The following PRRC2A variants were observed in gnomAD, a reference collection of about 807,000 sequenced individuals.
PRRC2A encodes protein PRRC2A.
In PRRC2A, 59 loss-of-function variants were observed where a neutral mutation model predicts 224.6. The observed-to-expected ratio is 0.26, with a 90% confidence interval of 0.21 to 0.33. The LOEUF is 0.33. Ranked by LOEUF, PRRC2A falls within the 10% of genes least tolerant of loss-of-function variation. PRRC2A has a pLI of 1.00. For missense variants in PRRC2A, 3,095 were observed against 2,880.7 expected (o/e 1.07, Z -1.70); for synonymous variants, 1,194 against 1,109.5 (o/e 1.08, Z -1.51).
At position 31,631,934 on chromosome 6, in the gene PRRC2A, A is replaced by C. The variant is rs1410952482; in HGVS notation, c.3261A>C (p.Thr1087=). The change falls in exon 16 of 31, where the codon ACA becomes ACC. Residue 1087 remains threonine, a synonymous_variant. Coordinates refer to ENST00000376033, the MANE Select transcript of PRRC2A (RefSeq NM_004638.4). The surrounding 1 kb of genome is among the most constrained non-coding windows in gnomAD (Gnocchi z 4.5). ...PAPRGRTASE[T]RSEGSEYEEI... is the part of the protein sequence containing the mutation. Reference sequence around the variant, plus strand: ...CCCGAGGCCGCACTGCCAGCGAGACACGGAGCGAGGGTTCAGAGTATGAGG... The same window carrying C: ...CCCGAGGCCGCACTGCCAGCGAGACCCGGAGCGAGGGTTCAGAGTATGAGG... 1 of 1,612,774 alleles carries C rather than the reference A, an allele frequency of 6.2e-7. No individual in the cohort carries two copies. The highest frequency in any genetic ancestry group is 8.5e-7 in the Non-Finnish European group (1 of 1,179,978).
chr6:31,629,072 T>G, intron 12 of PRRC2A, 72 bp from the exon 13 acceptor site: 1,301 of 1,445,240 alleles, frequency 9.0e-4, no homozygotes, highest in Non-Finnish European at 1.2e-3. Context: ...AGATGAGACG[T>G]GAGATTCCTG....
intron 9 of PRRC2A, 56 bp from the exon 10 acceptor site, chr6:31,626,716 C>T: frequency 6.8e-7 from 1 of 1,465,966 alleles, no homozygotes; most frequent in Non-Finnish European, 9.3e-7. Context: ...TCCAGACTAC[C>T]TCCCAAGATT....
intron 19 of PRRC2A, 35 bp downstream of exon 19, chr6:31,634,400 G>A (rs1195143495): frequency 1.9e-6 from 3 of 1,612,044 alleles, no homozygotes; most frequent in Non-Finnish European, 2.5e-6. Context: ...TATGGTAGAA[G>A]GGTTAAGAAT....
intron 3 of PRRC2A, 31 bp downstream of exon 3, chr6:31,623,940 T>G (rs775082416): frequency 6.2e-7 from 1 of 1,608,260 alleles, no homozygotes; most frequent in Non-Finnish European, 8.5e-7. Context: ...CCTAGAGTGA[T>G]GGGTATTTTA....
rs1561849619 is a variant in PRRC2A, at chr6:31,637,605, CT to C, written c.*20del. The stretch of plus-strand genomic sequence containing the variant: ...CCGCTGAGGGAGTTCCTCTTGCCCC[CT>C]ACCCCCGGGGCTTGTATATAGATTA... On this transcript the variant is annotated 3_prime_UTR_variant, in exon 31 of 31. Transcript: ENST00000376033. The C allele has an allele frequency of 6.6e-7, 1 of 1,509,098 alleles. No homozygotes were observed. Among genetic ancestry groups the C allele is most frequent in the Non-Finnish European group, 8.9e-7 (1 of 1,125,066 alleles). 93.5% of individuals were successfully genotyped at this position (1,509,098 alleles called of 1,614,324 possible).
chr6:31,635,128 C>T lies in PRRC2A; in HGVS notation c.5161-4C>T. On this transcript the variant is annotated splice_polypyrimidine_tract_variant and splice_region_variant and intron_variant, in intron 21 of 30. Coordinates refer to ENST00000376033, the MANE Select transcript of PRRC2A (RefSeq NM_004638.4). ...CAATGCACTTTACTGTGTGCCCAAT[C>T]CAGGAGCTGCCCCGGGAGCAGCCTC... 1.2e-6 allele frequency: 2 copies of T among 1,613,776 alleles called. No homozygotes were observed. Among genetic ancestry groups the T allele is most frequent in the Non-Finnish European group, 1.7e-6 (2 of 1,179,796 alleles).
At position 31,629,320 on chromosome 6, in the gene PRRC2A, C is replaced by T; in HGVS notation, c.1942C>T (p.Gln648Ter). Residue 648 changes from glutamine (Q) to a stop codon, truncating the protein, a stop_gained, in exon 13 of 31, where the codon CAG (glutamine) becomes TAG (stop). Transcript: ENST00000376033. LOFTEE classifies it high-confidence loss of function. ...KYQKSLPPRFQRQQQEQLLKQ... is the reference protein window; with the variant it reads ...KYQKSLPPRF Reference sequence around the variant, plus strand: ...TCAGAAGTCGTTGCCTCCTCGTTTCCAGCGGCAGCAGCAGGTGAAATCAAG... The same window carrying T: ...TCAGAAGTCGTTGCCTCCTCGTTTCTAGCGGCAGCAGCAGGTGAAATCAAG... 1.3e-6 allele frequency: 2 copies of T among 1,564,368 alleles called. No homozygotes were observed. Among genetic ancestry groups the T allele is most frequent in the Non-Finnish European group, 1.7e-6 (2 of 1,155,936 alleles).
rs1278948849 is a variant in PRRC2A at position 31,635,691 on chromosome 6, C to T, written c.5483C>T (p.Ser1828Leu). The change falls in exon 24 of 31, where the codon TCA (serine) becomes TTA (leucine). Residue 1828 changes from serine to leucine, a missense_variant. Ser to Leu is a moderately radical substitution (Grantham distance 145). Transcript: ENST00000376033. ...CACTGTGTCCCGGAGCCCAGCTCCT[C>T]AGGCCAGCGCCTGTATCCTGAGGTT... ...SGHCVPEPSS[S>L]GQRLYPEVFY... is the part of the protein sequence containing the mutation. 1 of 1,612,584 alleles carries T rather than the reference C, an allele frequency of 6.2e-7. No homozygotes were observed. The highest frequency in any genetic ancestry group is 1.7e-5 in the Admixed American group (1 of 59,978).
rs776193770 is a variant in PRRC2A, at chr6:31,631,940, C to T, written c.3267C>T (p.Ser1089=). 45 of 1,612,742 alleles carry T rather than the reference C, an allele frequency of 2.8e-5. 1 individual carries two copies. The highest frequency in any genetic ancestry group is 3.3e-5 in the South Asian group (3 of 91,068). ...PRGRTASETR[S]EGSEYEEIPK... ...GCCGCACTGCCAGCGAGACACGGAG[C>T]GAGGGTTCAGAGTATGAGGAAATCC... is the stretch of plus-strand genomic sequence containing the variant. The change falls in exon 16 of 31, where the codon AGC becomes AGT. Residue 1089 remains serine, a synonymous_variant. Transcript: ENST00000376033. This position sits in a 1 kb window ranked among gnomAD's most constrained non-coding sequence, Gnocchi z 4.5.
In PRRC2A at chr6:31,633,638, C is replaced by T. The variant is rs752999044; in HGVS notation, c.4579C>T (p.Leu1527Phe). 19 of 1,610,316 alleles carry T rather than the reference C, an allele frequency of 1.2e-5. No individual in the cohort carries two copies. Among genetic ancestry groups the T allele is most frequent in the Non-Finnish European group, 1.6e-5 (19 of 1,178,400 alleles). Residue 1527 changes from leucine to phenylalanine, a missense_variant, in exon 17 of 31, where the codon CTC (leucine) becomes TTC (phenylalanine). Physicochemically the swap from Leu to Phe is conservative, Grantham distance 22. Coordinates refer to ENST00000376033, the MANE Select transcript of PRRC2A (RefSeq NM_004638.4). Reference sequence around the variant, plus strand: ...CGAGCCCCAGAGGGTCAACAGCGGCCTCAGTTCTGGTAAGCTGGAGGGGTT... The same window carrying T: ...CGAGCCCCAGAGGGTCAACAGCGGCTTCAGTTCTGGTAAGCTGGAGGGGTT... ...RYEPQRVNSG[L>F]SSDPHFEEPG...
chr6:31,635,992 A>G lies in PRRC2A; in HGVS notation c.5567A>G (p.Gln1856Arg). The G allele has an allele frequency of 1.2e-6, 2 of 1,613,204 alleles. No homozygotes were observed. Among genetic ancestry groups the G allele is most frequent in the Non-Finnish European group, 1.7e-6 (2 of 1,179,334 alleles). ...ATCTCTGGGGGAGCCATGGACTCTC[A>G]ATTACATCCAAACAGTGGAGGCTTC... Reference protein sequence around the residue: ...SQISGGAMDSQLHPNSGGFRP... With the variant: ...SQISGGAMDSRLHPNSGGFRP... The change falls in exon 25 of 31, where the codon CAA (glutamine) becomes CGA (arginine). Residue 1856 changes from glutamine to arginine, a missense_variant. Gln to Arg is a conservative substitution (Grantham distance 43). This residue lies in a region of PRRC2A where 662 missense variants were observed against 609.5 expected (regional missense o/e 1.09). Coordinates refer to ENST00000376033, the MANE Select transcript of PRRC2A (RefSeq NM_004638.4).
At position 31,631,299 on chromosome 6, in the gene PRRC2A, A is replaced by G; in HGVS notation, c.2626A>G (p.Ile876Val). ...CCCAGGCAGTGATGAAGTGGCCAAG[A>G]TACAAACTCCACCACCCAAGAAGGA... ...WPPGSDEVAKIQTPPPKKEPP... is the reference protein window; with the variant it reads ...WPPGSDEVAKVQTPPPKKEPP... The change falls in exon 16 of 31, where the codon ATA becomes GTA. Residue 876 changes from isoleucine (I) to valine (V), a missense_variant. Around this residue, in one of 8 missense-constraint regions of PRRC2A, gnomAD observed 2,001 missense variants for 1,764.9 expected, o/e 1.13. Transcript: ENST00000376033. This position sits in a 1 kb window ranked among gnomAD's most constrained non-coding sequence, Gnocchi z 4.5. 6.2e-7 allele frequency: 1 copy of G among 1,611,556 alleles called. No homozygotes were observed. Among genetic ancestry groups the G allele is most frequent in the Non-Finnish European group, 8.5e-7 (1 of 1,179,412 alleles).
chr6:31,621,434 C>T (rs888391289), intron 1 of PRRC2A, among the ~76,000 whole-genome samples: 1 of 152,270 alleles, frequency 6.6e-6, no homozygotes, highest in African/African-American at 2.4e-5. Flanking sequence ...CCTTTCTCCC[C>T]CAACCCCGTT....
Position 31,626,999 on chromosome 6 carries a change from C to T in PRRC2A, c.1091C>T (p.Ala364Val). 11 of 1,614,192 alleles carry T rather than the reference C, an allele frequency of 6.8e-6. No individual in the cohort carries two copies. The highest frequency in any genetic ancestry group is 9.3e-6 in the Non-Finnish European group (11 of 1,180,034). ...GCTCACAGCAGGGATTCCCAATCAGCTTCTGGTGAGGAACGGCCCCCTGAA... is the reference window on the plus strand; with the variant it reads ...GCTCACAGCAGGGATTCCCAATCAGTTTCTGGTGAGGAACGGCCCCCTGAA... ...GAEGHRDSQS[A>V]SGEERPPEAD... The change falls in exon 11 of 31, where the codon GCT (alanine) becomes GTT (valine). Residue 364 changes from alanine to valine, a missense_variant. This residue lies in a region of PRRC2A where 2,001 missense variants were observed against 1,764.9 expected (regional missense o/e 1.13). Transcript: ENST00000376033.
In PRRC2A at chr6:31,627,288, G is replaced by A. The variant is rs557478402; in HGVS notation, c.1290+90G>A. On this transcript the variant is annotated intron_variant, in intron 11 of 30. Coordinates refer to ENST00000376033, the MANE Select transcript of PRRC2A (RefSeq NM_004638.4). The surrounding 1 kb of genome is among the most constrained non-coding windows in gnomAD (Gnocchi z 5.6). ...GAAGCGGTTGTGATATAGAGGAAGGGGGGTGCTAAAAATGGGCTGTGTGAA... is the reference window on the plus strand; with the variant it reads ...GAAGCGGTTGTGATATAGAGGAAGGAGGGTGCTAAAAATGGGCTGTGTGAA... 6.2e-6 allele frequency: 6 copies of A among 974,604 alleles called. No individual in the cohort carries two copies. In the African/African-American group the frequency reaches 6.6e-5, roughly 11 times the overall value. The allele number at this position is 974,604 out of a possible 1,614,324, so 60.4% of individuals were successfully genotyped here.
At position 31,622,879 on chromosome 6, in the gene PRRC2A, C is replaced by T. The variant is rs772449321; in HGVS notation, c.90C>T (p.Ser30=). 3.1e-6 allele frequency: 5 copies of T among 1,613,906 alleles called. No homozygotes were observed. The highest frequency in any genetic ancestry group is 4.2e-6 in the Non-Finnish European group (5 of 1,179,960). The change falls in exon 2 of 31, where the codon TCC becomes TCT. Residue 30 remains serine (S), a synonymous_variant. Coordinates refer to ENST00000376033, the MANE Select transcript of PRRC2A (RefSeq NM_004638.4). ...LNLFDTYKGK[S]LEIQKPAVAP... ...TGTTTGATACGTATAAGGGCAAGTC[C>T]TTAGAGATCCAGAAACCCGCTGGTG... is the stretch of plus-strand genomic sequence containing the variant.
At position 31,632,457 on chromosome 6, in the gene PRRC2A, C is replaced by T; in HGVS notation, c.3784C>T (p.Gln1262Ter). The change falls in exon 16 of 31, where the codon CAG becomes TAG. Residue 1262 changes from glutamine to a stop codon, truncating the protein, a stop_gained. Coordinates refer to ENST00000376033, the MANE Select transcript of PRRC2A (RefSeq NM_004638.4). LOFTEE classifies it high-confidence loss of function. Reference sequence around the variant, plus strand: ...ACCGCCTCGTTTCCGGAGGCTGAAGCAGGAACGGGAGAATGCCGCAAGGGG... The same window carrying T: ...ACCGCCTCGTTTCCGGAGGCTGAAGTAGGAACGGGAGAATGCCGCAAGGGG... Reference protein sequence around the residue: ...DKPPRFRRLKQERENAARGSE... With the variant: ...DKPPRFRRLK 1 of 1,605,520 alleles carries T rather than the reference C, an allele frequency of 6.2e-7. No homozygotes were observed.
chr6:31,631,849 A>C lies in PRRC2A; in HGVS notation c.3176A>C (p.Glu1059Ala). The change falls in exon 16 of 31, where the codon GAG becomes GCG. Residue 1059 changes from glutamate (E) to alanine (A), a missense_variant. Coordinates refer to ENST00000376033, the MANE Select transcript of PRRC2A (RefSeq NM_004638.4). This position sits in a 1 kb window ranked among gnomAD's most constrained non-coding sequence, Gnocchi z 4.5. ...AGCCGGGAATTCCGCAGTTACCGAG[A>C]GTTTCGAGGAGATGATGGGCGTGGA... Reference protein sequence around the residue: ...ARSREFRSYREFRGDDGRGGG... With the variant: ...ARSREFRSYRAFRGDDGRGGG... 1.2e-6 allele frequency: 2 copies of C among 1,605,398 alleles called. No individual in the cohort carries two copies. Among genetic ancestry groups the C allele is most frequent in the Non-Finnish European group, 1.7e-6 (2 of 1,175,828 alleles).
In PRRC2A at chr6:31,625,632, T is replaced by G. The variant is rs765648932; in HGVS notation, c.759+21T>G. 3.8e-6 allele frequency: 6 copies of G among 1,599,238 alleles called. No individual in the cohort carries two copies. In the Admixed American group the frequency reaches 8.5e-5, roughly 23 times the overall value. ...CTTTCGTGAGTCTTGGTGTCTTGTC[T>G]TGGAACGATTACACTGGAAGCTGGA... On this transcript the variant is annotated intron_variant, in intron 7 of 30. Coordinates refer to ENST00000376033, the MANE Select transcript of PRRC2A (RefSeq NM_004638.4). This position sits in a 1 kb window ranked among gnomAD's most constrained non-coding sequence, Gnocchi z 4.1.
Sources: gnomAD v4.1 joint callset for allele counts (sites outside exome capture counted in the v4.1 genomes callset) on GRCh38, gnomAD v4.1.1 for gene constraint, gnomAD v4.1.1 regional missense constraint, Gnocchi (gnomAD v3.1) non-coding constraint, MANE v1.5 for transcripts, NCBI Gene and HGNC (gene_info 2026-07-23, HGNC 2026-07-21) for gene names.